HOOK3: variants seen among roughly 807,000 people sequenced by gnomAD.
HOOK3 encodes the protein protein Hook homolog 3.
Under a neutral mutation model 116.3 loss-of-function variants are expected in HOOK3, and 24 were observed. That is an observed-to-expected ratio of 0.21 (90% CI 0.15 to 0.29). The LOEUF (loss-of-function observed/expected upper bound fraction) is 0.29, where lower values mean the gene tolerates loss of function less well. HOOK3 is among the 10% of genes least tolerant of loss of function. The probability of loss-of-function intolerance (pLI) is 1.00; values close to 1 mark genes in which losing one functional copy is unlikely to be tolerated. For missense variants in HOOK3, 632 were observed against 830.2 expected (o/e 0.76, Z 2.93); for synonymous variants, 275 against 283.0 (o/e 0.97, Z 0.28).
At chr8:43,016,187 G>A (rs1027837783) in intron 21 of HOOK3, among the ~76,000 whole-genome samples, 1 of 149,592 alleles carries the variant, frequency 6.7e-6, no homozygotes, top group Non-Finnish European at 1.5e-5. Flanking sequence ...GCACGATCTC[G>A]GCTCACTGTA....
Position 43,024,234 on chromosome 8 carries a change from T to C in HOOK3, c.*5736T>C, listed in dbSNP as rs1809890941. ...ATTCATGAAACTGTAGAAGAATATT[T>C]TGAGTTTTTATTCTTATATTATGAA... On this transcript the variant is annotated 3_prime_UTR_variant, in exon 22 of 22. Coordinates refer to ENST00000307602, the MANE Select transcript of HOOK3 (RefSeq NM_032410.4). The C allele has an allele frequency of 5.0e-6, 1 of 201,816 alleles. No homozygotes were observed. The highest frequency in any genetic ancestry group is 2.3e-5 in the African/African-American group (1 of 43,628). The allele number at this position is 201,816 out of a possible 1,614,324, so 12.5% of individuals were successfully genotyped here. A position where few individuals can be genotyped will look rare whatever the true frequency, so the allele number is the denominator to read the frequency against.
intron 2 of HOOK3, among the ~76,000 whole-genome samples, chr8:42,919,080 G>T (rs538594723): frequency 6.6e-6 from 1 of 151,390 alleles, no homozygotes; most frequent in Non-Finnish European, 1.5e-5. Context: ...CGGCTGGCCG[G>T]GCGGGGGCTG....
rs528557275 is a variant in HOOK3 at position 42,930,190 on chromosome 8, A to G, written c.267+18A>G. ...ATCATGAGGTAAAGACTTTTTTCTC[A>G]TTCTGCTTAGAAGTGTTACTATCGG... On this transcript the variant is annotated intron_variant, in intron 4 of 21. Coordinates refer to ENST00000307602, the MANE Select transcript of HOOK3 (RefSeq NM_032410.4). 2.4e-5 allele frequency: 36 copies of G among 1,521,756 alleles called. No individual in the cohort carries two copies. In the South Asian group the frequency reaches 4.3e-4, roughly 18 times the overall value. 94.3% of individuals were successfully genotyped at this position (1,521,756 alleles called of 1,614,324 possible).
intron 17 of HOOK3, 101 bp from the exon 18 acceptor site, chr8:43,007,746 G>A: frequency 5.4e-6 from 3 of 553,714 alleles, no homozygotes; most frequent in Admixed American, 5.6e-5. Context: ...TCACTTGCAT[G>A]CAATGCAAGT....
At chr8:42,953,606 T>G (rs1808382416) in intron 6 of HOOK3, among the ~76,000 whole-genome samples, 2 of 151,832 alleles carry the variant, frequency 1.3e-5, no homozygotes, top group African/African-American at 4.8e-5. Context: ...ATAATAGTAG[T>G]CATAACAAGC....
At chr8:42,964,831 A>G (rs530316067) in intron 9 of HOOK3, among the ~76,000 whole-genome samples, 187 of 152,240 alleles carry the variant, frequency 1.2e-3, no homozygotes, top group African/African-American at 4.3e-3. Flanking sequence ...TGTCTCAAAA[A>G]AAAAAAAGAA....
chr8:42,958,921 T>A (rs997828202), intron 7 of HOOK3, among the ~76,000 whole-genome samples: 2 of 152,122 alleles, frequency 1.3e-5, no homozygotes, highest in African/African-American at 4.8e-5. Context: ...GAAGGTAAAA[T>A]TTCTCAGTTA....
chr8:42,944,798 A>G (rs1808194685), intron 5 of HOOK3, among the ~76,000 whole-genome samples: 1 of 152,226 alleles, frequency 6.6e-6, no homozygotes. Flanking sequence ...TAGCCTGGGC[A>G]ATAGATCAAG....
In HOOK3 at chr8:43,025,323, A is replaced by G. The variant is rs1809914341; in HGVS notation, c.*6825A>G. The G allele has an allele frequency of 9.5e-6, 2 of 211,064 alleles. No individual in the cohort carries two copies. The highest frequency in any genetic ancestry group is 1.2e-4 in the Admixed American group (2 of 17,054). 13.1% of individuals were successfully genotyped at this position (211,064 alleles called of 1,614,324 possible). On this transcript the variant is annotated 3_prime_UTR_variant, in exon 22 of 22. Transcript: ENST00000307602. ...TGTGTTTGCATGAGTATAGAAACCT[A>G]AGAACATAATGGAAGGCTATTAAGG... is the stretch of plus-strand genomic sequence containing the variant.
intron 15 of HOOK3, chr8:42,994,392 C>A: frequency 2.6e-6 from 1 of 386,148 alleles, no homozygotes; most frequent in East Asian, 9.1e-5. Flanking sequence ...TCAGTGGCAT[C>A]GTTAGGTTGT....
At chr8:42,987,950 G>T (rs1586623373) in intron 15 of HOOK3, among the ~76,000 whole-genome samples, 1 of 151,904 alleles carries the variant, frequency 6.6e-6, no homozygotes, top group Non-Finnish European at 1.5e-5. Flanking sequence ...CAGATTATTT[G>T]TTTATTTTGA....
intron 4 of HOOK3, among the ~76,000 whole-genome samples, chr8:42,937,991 T>C (rs1384059574): frequency 6.6e-6 from 1 of 152,194 alleles, no homozygotes. Flanking sequence ...CAGTGGGGTG[T>C]TAAAGTCTCC....
chr8:43,023,570 A>C lies in HOOK3; in HGVS notation c.*5072A>C, dbSNP rs1809873464. ...CAGGTTCAAGCGATTCTCCTGCCTC[A>C]TCCTCCCTAGTAGCTAGGATTACAG... is the stretch of plus-strand genomic sequence containing the variant. On this transcript the variant is annotated 3_prime_UTR_variant, in exon 22 of 22. Transcript: ENST00000307602. The C allele has an allele frequency of 5.8e-6, 1 of 172,556 alleles. No homozygotes were observed. The highest frequency in any genetic ancestry group is 1.2e-5 in the Non-Finnish European group (1 of 80,178). 10.7% of individuals were successfully genotyped at this position (172,556 alleles called of 1,614,324 possible). A position where few individuals can be genotyped will look rare whatever the true frequency, so the allele number is the denominator to read the frequency against.
At chr8:43,004,698 A>AC (rs1442168212) in intron 17 of HOOK3, among the ~76,000 whole-genome samples, 2 of 151,748 alleles carry the variant, frequency 1.3e-5, no homozygotes, top group African/African-American at 4.8e-5. Flanking sequence ...AAAAAAAAAA[A>AC]AAAACTACAA....
chr8:42,991,189 A>G (rs998167468), intron 15 of HOOK3, among the ~76,000 whole-genome samples: 3 of 152,096 alleles, frequency 2.0e-5, no homozygotes, highest in African/African-American at 7.2e-5. Flanking sequence ...TTTGGTTACT[A>G]TAGCTCTGTA....
At chr8:42,935,530 C>T (rs1298542787) in intron 4 of HOOK3, among the ~76,000 whole-genome samples, 12 of 152,110 alleles carry the variant, frequency 7.9e-5, no homozygotes, top group African/African-American at 2.9e-4. Context: ...TTAGGTCTTA[C>T]ATTTAAGTCT....
intron 21 of HOOK3, 56 bp from the exon 22 acceptor site, chr8:43,018,302 G>A (rs1468644606): frequency 6.7e-7 from 1 of 1,484,382 alleles, no homozygotes; most frequent in African/African-American, 1.4e-5. Flanking sequence ...ATTTTCTTTT[G>A]TGAAGTATGT....
intron 2 of HOOK3, among the ~76,000 whole-genome samples, chr8:42,916,165 C>A (rs557815781): frequency 2.6e-5 from 4 of 152,228 alleles, no homozygotes; most frequent in Non-Finnish European, 5.9e-5. Flanking sequence ...TTCAGTGGAG[C>A]CTGCCCTGCC....
chr8:42,946,953 T>C (rs1808242312), intron 5 of HOOK3, among the ~76,000 whole-genome samples: 1 of 152,016 alleles, frequency 6.6e-6, no homozygotes, highest in Non-Finnish European at 1.5e-5. Context: ...GTATTTTTAG[T>C]AGAGACGGGT....
Sources: gnomAD v4.1 joint callset for allele counts (sites outside exome capture counted in the v4.1 genomes callset) on GRCh38, gnomAD v4.1.1 for gene constraint, MANE v1.5 for transcripts, NCBI Gene and HGNC (gene_info 2026-07-23, HGNC 2026-07-21) for gene names.